The following USP48 variants were observed in gnomAD, a reference collection of about 807,000 sequenced individuals.
USP48 encodes ubiquitin carboxyl-terminal hydrolase 48.
Under a neutral mutation model 150.7 loss-of-function variants are expected in USP48, and 43 were observed. That is an observed-to-expected ratio of 0.29 (90% CI 0.22 to 0.37). USP48 has a LOEUF of 0.37. Among genes scored for constraint, USP48 ranks in the 10% least tolerant of loss-of-function variants. USP48 has a pLI of 1.00. For synonymous variants in USP48, 396 were observed against 425.9 expected, an observed-to-expected ratio of 0.93 and a Z score of 0.86; for missense variants, 813 against 1,249.6, an observed-to-expected ratio of 0.65 and a Z score of 5.27.
intron 2 of USP48, 35 bp from the exon 3 acceptor site, chr1:21,756,737 A>G: frequency 6.2e-7 from 1 of 1,605,254 alleles, no homozygotes; most frequent in Non-Finnish European, 8.5e-7. Flanking sequence ...TATAAAACCC[A>G]TTTTCCTTTA....
intron 11 of USP48, among the ~76,000 whole-genome samples, chr1:21,726,231 G>A (rs1267176277): frequency 6.6e-6 from 1 of 152,128 alleles, no homozygotes; most frequent in Non-Finnish European, 1.5e-5. Flanking sequence ...CTCCTTGCCA[G>A]GGGATGTCTG....
At chr1:21,771,080 C>T (rs1344422779) in intron 1 of USP48, among the ~76,000 whole-genome samples, 3 of 152,002 alleles carry the variant, frequency 2.0e-5, no homozygotes, top group African/African-American at 4.8e-5. Context: ...GAGCTAAGAT[C>T]GTGGCACTGC....
At chr1:21,777,841 A>C (rs1379995847) in intron 1 of USP48, among the ~76,000 whole-genome samples, 3 of 152,068 alleles carry the variant, frequency 2.0e-5, no homozygotes, top group Admixed American at 6.6e-5. Context: ...TAAAGAACAC[A>C]ACTTGGCTGG....
intron 1 of USP48, among the ~76,000 whole-genome samples, chr1:21,770,891 G>A (rs2152639931): frequency 1.3e-5 from 2 of 152,048 alleles, no homozygotes; most frequent in East Asian, 3.9e-4. Flanking sequence ...GGGACACCGA[G>A]GCAGGCAGAT....
At chr1:21,728,373 G>C in intron 11 of USP48, 197 bp downstream of exon 11, 2 of 1,331,030 alleles carry the variant, frequency 1.5e-6, no homozygotes, top group Non-Finnish European at 1.9e-6. Context: ...ATTTTTAGGA[G>C]TACAACGTAA....
chr1:21,774,180 A>AAATGATAAT (rs2097890618), intron 1 of USP48, among the ~76,000 whole-genome samples: 1 of 141,204 alleles, frequency 7.1e-6, no homozygotes, highest in Non-Finnish European at 1.5e-5. Flanking sequence ...CTCCGTCTCA[A>AAATGATAAT]AATAATAATA....
chr1:21,732,671 C>A, intron 9 of USP48: 1 of 368,380 alleles, frequency 2.7e-6, no homozygotes, highest in Non-Finnish European at 5.2e-6. Context: ...TACTATATTC[C>A]ATTAGAATAA....
intron 6 of USP48, among the ~76,000 whole-genome samples, chr1:21,749,878 T>C (rs922827469): frequency 2.0e-5 from 3 of 152,186 alleles, no homozygotes; most frequent in Non-Finnish European, 2.9e-5. Context: ...GCTGGGATTA[T>C]AGACATGAGC....
In USP48 at chr1:21,726,960, GA is replaced by G. The variant is rs534572886; in HGVS notation, c.1450+1609del. Among the ~76,000 whole-genome samples, 661 of 138,692 alleles carry G rather than the reference GA, an allele frequency of 4.8e-3. 1 individual carries two copies. Among genetic ancestry groups the G allele is most frequent in the African/African-American group, 0.013 (487 of 37,914 alleles). 91.0% of individuals were successfully genotyped at this position (138,692 alleles called of 152,430 possible). On this transcript the variant is annotated intron_variant, in intron 11 of 26. Transcript: ENST00000308271. ...ATTTTGGTTCAAAGTTCTTTAAAAA[GA>G]AAAAAAAAAACCTGGATTTTGAACA...
At position 21,681,056 on chromosome 1, in the gene USP48, T is replaced by C. The variant is rs577950420; in HGVS notation, c.3059-222A>G. 4.3e-4 allele frequency: 181 copies of C among 418,384 alleles called. 4 individuals are homozygous for C. The South Asian group carries it at 4.8e-3, about 11-fold the overall frequency. The allele number at this position is 418,384 out of a possible 1,614,324, so 25.9% of individuals were successfully genotyped here. A position where few individuals can be genotyped will look rare whatever the true frequency, so the allele number is the denominator to read the frequency against. On this transcript the variant is annotated intron_variant, in intron 25 of 26. Transcript: ENST00000308271. ...ATGCATCATTTAAAAAGTCAAATAC[T>C]GACAGGACAAGGTTTGTAACTAGGG...
At chr1:21,725,461 G>A (rs1457549085) in intron 11 of USP48, among the ~76,000 whole-genome samples, 2 of 152,162 alleles carry the variant, frequency 1.3e-5, no homozygotes, top group African/African-American at 2.4e-5. Flanking sequence ...ATATAAAAGA[G>A]GAGACCTTGG....
At chr1:21,720,521 TTTTC>T (rs929413531) in intron 14 of USP48, among the ~76,000 whole-genome samples, 19 of 150,300 alleles carry the variant, frequency 1.3e-4, no homozygotes, top group African/African-American at 3.9e-4. Context: ...TTTTTTGGGT[TTTTC>T]TTTTTCTTTT....
chr1:21,681,647 C>T (rs892789765), intron 25 of USP48, among the ~76,000 whole-genome samples: 9 of 152,262 alleles, frequency 5.9e-5, no homozygotes, highest in African/African-American at 1.4e-4. Flanking sequence ...GCACCTGCCC[C>T]GACCCATCCT....
intron 23 of USP48, among the ~76,000 whole-genome samples, chr1:21,692,835 A>T (rs932010370): frequency 2.0e-5 from 3 of 152,204 alleles, no homozygotes; most frequent in African/African-American, 7.2e-5. Flanking sequence ...AAAGATGAAC[A>T]CACGCTTCTA....
chr1:21,718,891 G>A (rs1380649914), intron 14 of USP48, among the ~76,000 whole-genome samples: 3 of 151,848 alleles, frequency 2.0e-5, no homozygotes, highest in Non-Finnish European at 2.9e-5. Flanking sequence ...ATTATAGTAC[G>A]GTTTTTCAAA....
intron 15 of USP48, among the ~76,000 whole-genome samples, chr1:21,714,729 C>A (rs1032499000): frequency 2.0e-5 from 3 of 152,220 alleles, no homozygotes; most frequent in Middle Eastern, 3.2e-3. Flanking sequence ...AGTAAGCATT[C>A]ACCAAGACCA....
chr1:21,717,278 C>A (rs1463292831), intron 14 of USP48, among the ~76,000 whole-genome samples: 1 of 151,974 alleles, frequency 6.6e-6, no homozygotes, highest in Non-Finnish European at 1.5e-5. Context: ...GTGGCACGCA[C>A]CTGGGGTCCC....
chr1:21,763,605 G>A (rs1157012181), intron 1 of USP48, among the ~76,000 whole-genome samples: 1 of 152,188 alleles, frequency 6.6e-6, no homozygotes, highest in South Asian at 2.1e-4. Flanking sequence ...CCTGAGGTCG[G>A]GAGTTCGAGA....
Position 21,782,699 on chromosome 1 carries a change from C to T in USP48, c.134+125G>A, listed in dbSNP as rs138255854. The T allele has an allele frequency of 1.3e-4, 181 of 1,363,194 alleles. No homozygotes were observed. The East Asian group carries it at 5.2e-3, about 39-fold the overall frequency. 84.4% of individuals were successfully genotyped at this position (1,363,194 alleles called of 1,614,324 possible). A position where few individuals can be genotyped will look rare whatever the true frequency, so the allele number is the denominator to read the frequency against. ...GCAGACGGCGCAAAGGGGGAAACTC[C>T]ACCTCGCTCGGCTCCGCGCCTCCCA... On this transcript the variant is annotated intron_variant, in intron 1 of 26. Coordinates refer to ENST00000308271, the MANE Select transcript of USP48 (RefSeq NM_032236.8).
Sources: allele counts gnomAD v4.1 joint callset (sites outside exome capture counted in the v4.1 genomes callset), GRCh38; gene constraint gnomAD v4.1.1; transcripts MANE v1.5; gene names NCBI Gene and HGNC (gene_info 2026-07-23, HGNC 2026-07-21).